LRIT3: variants seen among roughly 807,000 people sequenced by gnomAD.
LRIT3 encodes the protein leucine rich repeat, Ig-like and transmembrane domains 3.
LRIT3 carries 14 observed loss-of-function variants against 22.6 expected under a neutral mutation model. The observed-to-expected ratio is 0.62, with a 90% confidence interval of 0.41 to 0.97. The LOEUF is 0.97. Ranked by LOEUF, LRIT3 falls within the 50% of genes least tolerant of loss-of-function variation. LRIT3 has a pLI of 0.00. For missense variants in LRIT3, 783 were observed against 803.0 expected, an observed-to-expected ratio of 0.98 and a Z score of 0.30; for synonymous variants, 306 against 304.5, an observed-to-expected ratio of 1.01 and a Z score of -0.05.
Position 109,851,897 on chromosome 4 carries a change from A to C in LRIT3, c.510A>C (p.Pro170=). 2.6e-6 allele frequency: 4 copies of C among 1,551,684 alleles called. No individual in the cohort carries two copies. Among genetic ancestry groups the C allele is most frequent in the Non-Finnish European group, 3.5e-6 (4 of 1,146,968 alleles). Residue 170 remains proline (P), a synonymous_variant, in exon 2 of 4, where the codon CCA becomes CCC. Coordinates refer to ENST00000594814, the MANE Select transcript of LRIT3 (RefSeq NM_198506.5). ...GCAACAGACTCACCACATTGCCACC[A>C]GATTTCCTGGAGAGCTGGACTCATT... ...LSSNRLTTLP[P]DFLESWTHLV...
chr4:109,868,344 G>A (rs1328956162), intron 3 of LRIT3, among the ~76,000 whole-genome samples: 4 of 152,178 alleles, frequency 2.6e-5, no homozygotes, highest in African/African-American at 7.2e-5. Context: ...GCCGAGGTGG[G>A]TGGATCACCT....
In LRIT3 at chr4:109,851,956, C is replaced by A; in HGVS notation, c.569C>A (p.Ser190Tyr). The change falls in exon 2 of 4, where the codon TCC becomes TAC. Residue 190 changes from serine to tyrosine, a missense_variant. This residue lies in a region of LRIT3 where 756 missense variants were observed against 753.8 expected (regional missense o/e 1.00). Coordinates refer to ENST00000594814, the MANE Select transcript of LRIT3 (RefSeq NM_198506.5). Reference sequence around the variant, plus strand: ...ACACCTTCTGGAGTCCTGGACCTTTCCCCAAGCAGGATTATTCTTGGTAAG... The same window carrying A: ...ACACCTTCTGGAGTCCTGGACCTTTACCCAAGCAGGATTATTCTTGGTAAG... ...VSTPSGVLDL[S>Y]PSRIILGLQD... The A allele has an allele frequency of 6.5e-7, 1 of 1,547,690 alleles. No individual in the cohort carries two copies. Among genetic ancestry groups the A allele is most frequent in the Non-Finnish European group, 8.7e-7 (1 of 1,145,416 alleles).
At chr4:109,867,308 A>G (rs1734705560) in intron 2 of LRIT3, among the ~76,000 whole-genome samples, 2 of 152,248 alleles carry the variant, frequency 1.3e-5, no homozygotes, top group South Asian at 2.1e-4. Context: ...TCTGAGCTTC[A>G]TCTTTAACAT....
intron 1 of LRIT3, among the ~76,000 whole-genome samples, chr4:109,850,408 TTC>T (rs1560588865): frequency 5.3e-4 from 4 of 7,554 alleles, no homozygotes; most frequent in African/African-American, 2.3e-3. Context: ...CCTTCCTTCC[TTC>T]CTTCCTTCCT....
At position 109,851,912 on chromosome 4, in the gene LRIT3, C is replaced by T. The variant is rs772117354; in HGVS notation, c.525C>T (p.Ser175=). The change falls in exon 2 of 4, where the codon AGC becomes AGT. Residue 175 remains serine (S), a synonymous_variant. Transcript: ENST00000594814. The part of the protein sequence containing the change: ...LTTLPPDFLE[S]WTHLVSTPSG... ...CATTGCCACCAGATTTCCTGGAGAG[C>T]TGGACTCATTTAGTTTCAACACCTT... 6.2e-5 allele frequency: 96 copies of T among 1,551,490 alleles called. No homozygotes were observed. Among genetic ancestry groups the T allele is most frequent in the Non-Finnish European group, 7.9e-5 (91 of 1,146,968 alleles).
chr4:109,851,874 A>G lies in LRIT3; in HGVS notation c.487A>G (p.Asn163Asp). The G allele has an allele frequency of 2.6e-6, 4 of 1,551,686 alleles. No individual in the cohort carries two copies. The highest frequency in any genetic ancestry group is 3.5e-6 in the Non-Finnish European group (4 of 1,146,992). ...CCTTGCCTACTTGGATTTATCAAGCAACAGACTCACCACATTGCCACCAGA... is the reference window on the plus strand; with the variant it reads ...CCTTGCCTACTTGGATTTATCAAGCGACAGACTCACCACATTGCCACCAGA... Reference protein sequence around the residue: ...KNLAYLDLSSNRLTTLPPDFL... With the variant: ...KNLAYLDLSSDRLTTLPPDFL... Residue 163 changes from asparagine to aspartate, a missense_variant, in exon 2 of 4, where the codon AAC (asparagine) becomes GAC (aspartate). Transcript: ENST00000594814.
At chr4:109,852,536 T>G (rs962896619) in intron 2 of LRIT3, among the ~76,000 whole-genome samples, 19 of 152,236 alleles carry the variant, frequency 1.2e-4, no homozygotes, top group African/African-American at 4.6e-4. Flanking sequence ...TTAGTTTAGC[T>G]GTGACTAGTT....
intron 2 of LRIT3, among the ~76,000 whole-genome samples, chr4:109,855,825 C>T (rs558482478): frequency 1.5e-3 from 233 of 152,192 alleles, no homozygotes; most frequent in Middle Eastern, 6.8e-3. Flanking sequence ...AGCAGGTTGT[C>T]CAGTTTCCAT....
At chr4:109,863,348 C>A (rs1390323834) in intron 2 of LRIT3, among the ~76,000 whole-genome samples, 1 of 152,096 alleles carries the variant, frequency 6.6e-6, no homozygotes, top group Non-Finnish European at 1.5e-5. Flanking sequence ...TGACCCTGGG[C>A]AGATTCCTTA....
rs1360069509 is a variant in LRIT3 at position 109,851,507 on chromosome 4, G to T, written c.120G>T (p.Leu40Phe). The change falls in exon 2 of 4, where the codon TTG becomes TTT. Residue 40 changes from leucine (L) to phenylalanine (F), a missense_variant. Leu to Phe is a conservative substitution (Grantham distance 22). Transcript: ENST00000594814. ...ATTGTTCATGTTGTGACACTAGGTT[G>T]GTGCTATGTAATGACATGGATATGA... ...HGRNDGSGSR[L>F]VLCNDMDMNE... The T allele has an allele frequency of 6.5e-6, 10 of 1,528,514 alleles. No individual in the cohort carries two copies. Among genetic ancestry groups the T allele is most frequent in the Non-Finnish European group, 8.8e-6 (10 of 1,134,208 alleles). The allele number at this position is 1,528,514 out of a possible 1,614,324, so 94.7% of individuals were successfully genotyped here.
chr4:109,867,577 A>G, intron 2 of LRIT3, 64 bp from the exon 3 acceptor site: 1 of 1,429,426 alleles, frequency 7.0e-7, no homozygotes, highest in Non-Finnish European at 9.6e-7. Context: ...CTTTCTCAAG[A>G]GGCAGGATGT....
intron 1 of LRIT3, among the ~76,000 whole-genome samples, chr4:109,849,428 C>T (rs1734153809): frequency 6.6e-6 from 1 of 152,114 alleles, no homozygotes; most frequent in South Asian, 2.1e-4. Context: ...TTAGGCCTGG[C>T]AAGAAATAAT....
At chr4:109,860,082 T>C (rs1734498636) in intron 2 of LRIT3, among the ~76,000 whole-genome samples, 1 of 152,220 alleles carries the variant, frequency 6.6e-6, no homozygotes, top group Admixed American at 6.5e-5. Context: ...CAGGTTTTGT[T>C]TTGCAATGCA....
chr4:109,870,806 T>G lies in LRIT3; in HGVS notation c.*17T>G, dbSNP rs534220185. On this transcript the variant is annotated 3_prime_UTR_variant, in exon 4 of 4. Transcript: ENST00000594814. ...TATTGCTAAGGTTCTGCAGCTCAGG[T>G]GCATGTGAGCTACAAAACTAGCATC... 5.1e-5 allele frequency: 79 copies of G among 1,557,382 alleles called. No homozygotes were observed. Among genetic ancestry groups the G allele is most frequent in the Non-Finnish European group, 6.9e-5 (79 of 1,151,450 alleles).
rs1734774585 is a variant in LRIT3 at position 109,869,723 on chromosome 4, A to T, written c.974A>T (p.Asp325Val). The change falls in exon 4 of 4, where the codon GAT becomes GTT. Residue 325 changes from aspartate to valine, a missense_variant. Transcript: ENST00000594814. ...GGCATTTCTTCCAAAGACGCTGGGG[A>T]TTACAAATGTAAGGCCAAAAATCTG... is the stretch of plus-strand genomic sequence containing the variant. ...LTGISSKDAG[D>V]YKCKAKNLAG... The T allele has an allele frequency of 6.2e-7, 1 of 1,611,446 alleles. No homozygotes were observed. Among genetic ancestry groups the T allele is most frequent in the African/African-American group, 1.3e-5 (1 of 74,880 alleles).
Position 109,850,437 on chromosome 4 carries a change from T to TTCTTTCTC in LRIT3, c.117-1060_117-1059insCTCTTTCT. 2.0e-5 allele frequency among the ~76,000 whole-genome samples: 2 copies of TTCTTTCTC among 102,076 alleles called. 1 individual carries two copies. The highest frequency in any genetic ancestry group is 7.0e-4 in the South Asian group (2 of 2,852). 67.0% of individuals were successfully genotyped at this position (102,076 alleles called of 152,430 possible). On this transcript the variant is annotated intron_variant, in intron 1 of 3. Coordinates refer to ENST00000594814, the MANE Select transcript of LRIT3 (RefSeq NM_198506.5). The stretch of plus-strand genomic sequence containing the variant: ...TTCCTTCCTTCCTTTCTTTCTTTCT[T>TTCTTTCTC]TCTTTCTTTCTTTCTTTCTTTCTTT...
At chr4:109,849,121 G>A (rs1359836473) in intron 1 of LRIT3, among the ~76,000 whole-genome samples, 1 of 152,106 alleles carries the variant, frequency 6.6e-6, no homozygotes, top group Middle Eastern at 3.2e-3. Context: ...TGTTAAAAGA[G>A]TTGCCCAATT....
Position 109,870,506 on chromosome 4 carries a change from TG to T in LRIT3, c.1759del (p.Val587Ter). The T allele has an allele frequency of 6.2e-7, 1 of 1,614,144 alleles. No homozygotes were observed. The highest frequency in any genetic ancestry group is 8.5e-7 in the Non-Finnish European group (1 of 1,180,044). ...GATTCTCAATGGTCTCTCCTTCTCG[TG>T]GTGACCAGTACTGCCTGTGTTGTTA... ...GDDSQWSLLL[V>X]VTSTACVVIL... On this transcript the variant is annotated frameshift_variant, in exon 4 of 4. Transcript: ENST00000594814. LOFTEE classifies it high-confidence loss of function.
At chr4:109,863,745 G>A (rs1734605055) in intron 2 of LRIT3, among the ~76,000 whole-genome samples, 1 of 152,086 alleles carries the variant, frequency 6.6e-6, no homozygotes, top group Non-Finnish European at 1.5e-5. Context: ...TCCATAAAAC[G>A]ATGGCAGGCA....
Sources: gnomAD v4.1 joint callset for allele counts (sites outside exome capture counted in the v4.1 genomes callset) on GRCh38, gnomAD v4.1.1 for gene constraint, gnomAD v4.1.1 regional missense constraint, MANE v1.5 for transcripts, NCBI Gene and HGNC (gene_info 2026-07-23, HGNC 2026-07-21) for gene names.